EIF4G3: variants seen among roughly 807,000 people sequenced by gnomAD.
EIF4G3 encodes the protein eIF-4-gamma 3.
A neutral mutation model predicts 186.4 loss-of-function variants in EIF4G3; 34 were observed. The observed-to-expected ratio is 0.18, with a 90% confidence interval of 0.14 to 0.24. EIF4G3 has a LOEUF of 0.24. Among genes scored for constraint, EIF4G3 ranks in the 10% least tolerant of loss-of-function variants. EIF4G3 has a pLI of 1.00. For missense variants in EIF4G3, 1,536 were observed against 1,948.5 expected (o/e 0.79, Z 3.99); for synonymous variants, 673 against 679.5 (o/e 0.99, Z 0.15).
chr1:20,919,805 A>G (rs1384269761), intron 14 of EIF4G3, among the ~76,000 whole-genome samples: 1 of 152,226 alleles, frequency 6.6e-6, no homozygotes, highest in African/African-American at 2.4e-5. Flanking sequence ...CCTTTTATAG[A>G]GAAGAAAATC....
chr1:20,915,844 T>C (rs1427921221), intron 14 of EIF4G3, among the ~76,000 whole-genome samples: 5 of 152,208 alleles, frequency 3.3e-5, no homozygotes, highest in African/African-American at 1.2e-4. Context: ...CAACATTGTA[T>C]TGAAGGTTCC....
At chr1:21,110,453 C>T (rs1041704825) in intron 2 of EIF4G3, among the ~76,000 whole-genome samples, 2 of 152,140 alleles carry the variant, frequency 1.3e-5, no homozygotes, top group African/African-American at 4.8e-5. Flanking sequence ...CATCGCCACG[C>T]CCAGCTAATT....
At chr1:20,845,464 C>T (rs2070560686) in intron 29 of EIF4G3, among the ~76,000 whole-genome samples, 1 of 152,180 alleles carries the variant, frequency 6.6e-6, no homozygotes, top group East Asian at 1.9e-4. Flanking sequence ...AGATCAAGAC[C>T]ATCCTGGCTA....
intron 3 of EIF4G3, among the ~76,000 whole-genome samples, chr1:21,069,371 G>A (rs1272149167): frequency 6.6e-6 from 1 of 152,094 alleles, no homozygotes; most frequent in Non-Finnish European, 1.5e-5. Flanking sequence ...AATCATTAAT[G>A]TCTCTTCCTC....
chr1:20,817,116 AG>A (rs2061208055), intron 34 of EIF4G3, among the ~76,000 whole-genome samples: 2 of 139,358 alleles, frequency 1.4e-5, no homozygotes, highest in East Asian at 4.3e-4. Flanking sequence ...GGAAGGCCGC[AG>A]GGTCCTCTGC....
At chr1:21,054,867 G>A (rs541375619) in intron 3 of EIF4G3, among the ~76,000 whole-genome samples, 4 of 152,092 alleles carry the variant, frequency 2.6e-5, no homozygotes, top group Non-Finnish European at 4.4e-5. Flanking sequence ...AAAAGCTTAC[G>A]AGTTAAAAGA....
chr1:20,863,509 A>G (rs1024047850), intron 22 of EIF4G3, among the ~76,000 whole-genome samples: 3 of 145,184 alleles, frequency 2.1e-5, no homozygotes, highest in South Asian at 2.1e-4. Context: ...CGATGGCGCA[A>G]TCTTGGCTCA....
At chr1:20,948,705 A>G (rs1175567125) in intron 13 of EIF4G3, among the ~76,000 whole-genome samples, 1 of 152,042 alleles carries the variant, frequency 6.6e-6, no homozygotes, top group African/African-American at 2.4e-5. Context: ...ATTCCTAAAT[A>G]TTTTTTAAAG....
At chr1:20,812,299 C>T (rs567844357) in intron 35 of EIF4G3, among the ~76,000 whole-genome samples, 261 of 152,196 alleles carry the variant, frequency 1.7e-3, no homozygotes, top group Non-Finnish European at 3.1e-3. Context: ...CTTCCCAACT[C>T]GAATTTTAAA....
At chr1:21,074,319 A>T (rs910939892) in intron 3 of EIF4G3, among the ~76,000 whole-genome samples, 3 of 152,178 alleles carry the variant, frequency 2.0e-5, no homozygotes, top group African/African-American at 7.2e-5. Flanking sequence ...TCCACACATA[A>T]CTAAATATCT....
chr1:20,933,526 G>C (rs766041410), intron 14 of EIF4G3, among the ~76,000 whole-genome samples: 1 of 151,882 alleles, frequency 6.6e-6, no homozygotes, highest in Non-Finnish European at 1.5e-5. Flanking sequence ...GTGGTGGTGC[G>C]CACCTGTAAT....
chr1:20,949,033 A>G (rs980845920), intron 13 of EIF4G3, among the ~76,000 whole-genome samples: 18 of 151,914 alleles, frequency 1.2e-4, no homozygotes, highest in Non-Finnish European at 1.6e-4. Context: ...ATAGAGCTAT[A>G]GAATAAACAA....
At chr1:21,149,991 T>C (rs2097524913) in intron 2 of EIF4G3, among the ~76,000 whole-genome samples, 1 of 152,258 alleles carries the variant, frequency 6.6e-6, no homozygotes, top group Non-Finnish European at 1.5e-5. Context: ...ACTAATGCTG[T>C]AAATTCCAAT....
rs1209340061 is a variant in EIF4G3 at position 20,892,693 on chromosome 1, G to GAAT, written c.2253+821_2253+823dup. On this transcript the variant is annotated intron_variant, in intron 18 of 36. Coordinates refer to ENST00000602326, the MANE Select transcript of EIF4G3 (RefSeq NM_001391906.1). The stretch of plus-strand genomic sequence containing the variant: ...CAAGTTGGGGCTTTGCTCTGTTCCA[G>GAAT]AATTGGCAATCCATGCCTGCTCTGC... 3.3e-6 allele frequency: 5 copies of GAAT among 1,536,098 alleles called. No individual in the cohort carries two copies. The South Asian group carries it at 4.8e-5, about 15-fold the overall frequency.
intron 3 of EIF4G3, among the ~76,000 whole-genome samples, chr1:21,072,990 T>G (rs2095487024): frequency 6.6e-6 from 1 of 152,102 alleles, no homozygotes; most frequent in Admixed American, 6.6e-5. Context: ...ATTTTACTCA[T>G]GAGGAAGGAA....
At chr1:21,140,878 T>C (rs2097325597) in intron 2 of EIF4G3, among the ~76,000 whole-genome samples, 1 of 152,088 alleles carries the variant, frequency 6.6e-6, no homozygotes, top group South Asian at 2.1e-4. Flanking sequence ...GTTACTAAAA[T>C]AAAAACCATC....
chr1:21,086,829 A>T (rs2095997007), intron 3 of EIF4G3, among the ~76,000 whole-genome samples: 1 of 151,728 alleles, frequency 6.6e-6, no homozygotes, highest in Admixed American at 6.6e-5. Flanking sequence ...AATCCCAGCT[A>T]CTCAGGAGGC....
intron 2 of EIF4G3, among the ~76,000 whole-genome samples, chr1:21,113,120 C>T (rs1015223091): frequency 1.5e-5 from 2 of 134,200 alleles, no homozygotes; most frequent in East Asian, 2.2e-4. Flanking sequence ...CACTGTACTC[C>T]GGCCTGGCTG....
chr1:21,024,268 C>A (rs910678373), intron 4 of EIF4G3, among the ~76,000 whole-genome samples: 1 of 150,722 alleles, frequency 6.6e-6, no homozygotes, highest in African/African-American at 2.4e-5. Flanking sequence ...AGGTGAGGGG[C>A]GCCTCTGCCC....
Sources: gnomAD v4.1 joint callset for allele counts (sites outside exome capture counted in the v4.1 genomes callset) on GRCh38, gnomAD v4.1.1 for gene constraint, MANE v1.5 for transcripts, NCBI Gene and HGNC (gene_info 2026-07-23, HGNC 2026-07-21) for gene names.